The following CFAP54 variants were observed in gnomAD, a reference collection of about 807,000 sequenced individuals.
CFAP54 encodes the protein cilia- and flagella-associated protein 54.
CFAP54 carries 290 observed loss-of-function variants against 370.4 expected under a neutral mutation model. That is an observed-to-expected ratio of 0.78 (90% confidence interval 0.71 to 0.86). The LOEUF is 0.86. CFAP54 is among the 40% of genes least tolerant of loss of function. The probability of loss-of-function intolerance (pLI) is 0.00; values close to 1 mark genes in which losing one functional copy is unlikely to be tolerated. For missense variants in CFAP54, 3,399 were observed against 3,528.7 expected (o/e 0.96, Z 0.93); for synonymous variants, 1,206 against 1,236.5 (o/e 0.98, Z 0.52).
In CFAP54 at chr12:96,704,472, A is replaced by G. The variant is rs1356586503; in HGVS notation, c.6475-271A>G. ...TGTGTGTATATATATATATATATAT[A>G]TATATATATATATATATATATATAT... On this transcript the variant is annotated intron_variant, in intron 46 of 67. Transcript: ENST00000524981. 7.2e-4 allele frequency among the ~76,000 whole-genome samples: 68 copies of G among 94,818 alleles called. 1 individual carries two copies. The highest frequency in any genetic ancestry group is 2.6e-3 in the African/African-American group (56 of 21,144). 62.2% of individuals were successfully genotyped at this position (94,818 alleles called of 152,430 possible).
intron 60 of CFAP54, among the ~76,000 whole-genome samples, chr12:96,770,495 G>A (rs1958450386): frequency 6.6e-6 from 1 of 152,208 alleles, no homozygotes; most frequent in African/African-American, 2.4e-5. Flanking sequence ...TGGTTCATGT[G>A]AGAGAAAACA....
intron 36 of CFAP54, among the ~76,000 whole-genome samples, chr12:96,652,132 G>T (rs1202573554): frequency 6.6e-6 from 1 of 152,174 alleles, no homozygotes; most frequent in African/African-American, 2.4e-5. Flanking sequence ...TTCCAAGGAA[G>T]ATCACATAGC....
chr12:96,505,268 C>T (rs7137279), intron 3 of CFAP54, among the ~76,000 whole-genome samples: 79,246 of 151,270 alleles, frequency 0.52, 21,186 homozygotes, highest in East Asian at 0.69. Context: ...TTCACCATGT[C>T]GGTCAGGGTG....
intron 19 of CFAP54, among the ~76,000 whole-genome samples, chr12:96,570,175 T>C (rs1169442977): frequency 2.6e-5 from 4 of 152,098 alleles, no homozygotes; most frequent in Non-Finnish European, 5.9e-5. Context: ...GGTTTTGTCA[T>C]GTTGCCCAGC....
At chr12:96,634,953 G>A (rs1202000544) in intron 32 of CFAP54, among the ~76,000 whole-genome samples, 1 of 152,104 alleles carries the variant, frequency 6.6e-6, no homozygotes, top group East Asian at 1.9e-4. Context: ...GCCTCCCTCT[G>A]CCAATACCAC....
chr12:96,564,305 A>G (rs946939193), intron 17 of CFAP54, among the ~76,000 whole-genome samples, 163 bp from the exon 18 acceptor site: 3 of 152,228 alleles, frequency 2.0e-5, no homozygotes, highest in Admixed American at 2.0e-4. Flanking sequence ...GGATTTGATA[A>G]AACTGCATTA....
At chr12:96,635,740 C>T (rs1956656971) in intron 32 of CFAP54, among the ~76,000 whole-genome samples, 1 of 152,146 alleles carries the variant, frequency 6.6e-6, no homozygotes, top group Non-Finnish European at 1.5e-5. Context: ...CGAAAATTTG[C>T]TACAATAGCT....
At chr12:96,518,079 A>G (rs1341803530) in intron 5 of CFAP54, among the ~76,000 whole-genome samples, 1 of 152,226 alleles carries the variant, frequency 6.6e-6, no homozygotes, top group African/African-American at 2.4e-5. Context: ...TAACAGCACT[A>G]TTGTAATGTG....
intron 65 of CFAP54, among the ~76,000 whole-genome samples, chr12:96,825,869 CAG>C (rs1286386312): frequency 3.8e-5 from 5 of 132,456 alleles, no homozygotes; most frequent in South Asian, 2.3e-4. Flanking sequence ...TAATATATAA[CAG>C]AATATATCAA....
intron 5 of CFAP54, among the ~76,000 whole-genome samples, chr12:96,516,684 G>T (rs896082268): frequency 6.6e-6 from 1 of 152,184 alleles, no homozygotes; most frequent in African/African-American, 2.4e-5. Flanking sequence ...AAACATTAAA[G>T]AATACATCTA....
chr12:96,550,949 T>C (rs990782891), intron 15 of CFAP54, among the ~76,000 whole-genome samples: 2 of 152,074 alleles, frequency 1.3e-5, no homozygotes, highest in Non-Finnish European at 1.5e-5. Flanking sequence ...TACAAAAGAT[T>C]ATATCCTAGG....
intron 60 of CFAP54, 41 bp downstream of exon 60, chr12:96,765,259 T>A (rs752452320): frequency 7.1e-7 from 1 of 1,409,222 alleles, no homozygotes; most frequent in South Asian, 1.7e-5. Context: ...AAAACTGATA[T>A]ATGTAATATA....
intron 60 of CFAP54, among the ~76,000 whole-genome samples, chr12:96,780,371 A>G (rs1055903604): frequency 1.3e-5 from 2 of 152,126 alleles, no homozygotes; most frequent in African/African-American, 4.8e-5. Context: ...TGAAATTAAG[A>G]TTAACTTTTT....
intron 56 of CFAP54, among the ~76,000 whole-genome samples, chr12:96,754,672 T>C (rs1423765441): frequency 6.6e-6 from 1 of 152,150 alleles, no homozygotes; most frequent in African/African-American, 2.4e-5. Flanking sequence ...ATGAAAGCTG[T>C]GAATCCTTTC....
intron 37 of CFAP54, 45 bp downstream of exon 37, chr12:96,658,150 A>C (rs1462090312): frequency 6.9e-6 from 5 of 725,386 alleles, no homozygotes; most frequent in Admixed American, 4.7e-5. Context: ...GACTTCATTG[A>C]AAAAAAAAAA....
At chr12:96,706,893 A>T (rs1957553005) in intron 47 of CFAP54, among the ~76,000 whole-genome samples, 1 of 152,078 alleles carries the variant, frequency 6.6e-6, no homozygotes, top group Admixed American at 6.6e-5. Context: ...AAGTGGAGGA[A>T]TTGAGTCAGA....
chr12:96,747,707 T>C (rs151148178), intron 55 of CFAP54, among the ~76,000 whole-genome samples: 168 of 152,326 alleles, frequency 1.1e-3, no homozygotes, highest in African/African-American at 3.8e-3. Context: ...TATTTCTTAG[T>C]TGTCTGATCT....
At chr12:96,822,564 T>C (rs1565991225) in intron 65 of CFAP54, among the ~76,000 whole-genome samples, 2 of 152,176 alleles carry the variant, frequency 1.3e-5, no homozygotes, top group Non-Finnish European at 2.9e-5. Flanking sequence ...ACCAGGTCCC[T>C]GTCACAGAGG....
intron 62 of CFAP54, among the ~76,000 whole-genome samples, chr12:96,789,946 G>C (rs1467887258): frequency 6.6e-6 from 1 of 152,028 alleles, no homozygotes; most frequent in Non-Finnish European, 1.5e-5. Context: ...TAACATTTTT[G>C]AACCTTTAAT....
Sources: allele counts gnomAD v4.1 joint callset (sites outside exome capture counted in the v4.1 genomes callset), GRCh38; gene constraint gnomAD v4.1.1; transcripts MANE v1.5; gene names NCBI Gene and HGNC (gene_info 2026-07-23, HGNC 2026-07-21).